IKZF5: variants seen among roughly 807,000 people sequenced by gnomAD.
IKZF5 encodes IKAROS family zinc finger 5.
In IKZF5, 4 loss-of-function variants were observed where a neutral mutation model predicts 30.7. That is an observed-to-expected ratio of 0.13 (90% CI 0.06 to 0.30). The LOEUF is 0.30. Among genes scored for constraint, IKZF5 ranks in the 10% least tolerant of loss-of-function variants. The probability of loss-of-function intolerance (pLI) is 1.00; values close to 1 mark genes in which losing one functional copy is unlikely to be tolerated. For missense variants in IKZF5, 348 were observed against 525.5 expected (o/e 0.66, Z 3.30); for synonymous variants, 148 against 179.6 (o/e 0.82, Z 1.41).
At chr10:123,001,308 C>T in intron 2 of IKZF5, among the ~76,000 whole-genome samples, 1 of 152,010 alleles carries the variant, frequency 6.6e-6, no homozygotes, top group East Asian at 1.9e-4. Context: ...GCCCGGCCTT[C>T]ACTTTCTTAA....
At chr10:123,002,946 T>C (rs1212177839) in intron 2 of IKZF5, among the ~76,000 whole-genome samples, 1 of 152,240 alleles carries the variant, frequency 6.6e-6, no homozygotes, top group African/African-American at 2.4e-5. Context: ...GGTTCTGTTA[T>C]CTGTTGATTC....
At chr10:122,997,330 C>A (rs2133389431) in intron 3 of IKZF5, 1 of 152,410 alleles carries the variant, frequency 6.6e-6, no homozygotes, top group Non-Finnish European at 1.5e-5. Context: ...GTTCCTCACT[C>A]CTCACTAGGA....
At chr10:123,001,874 A>G (rs972819362) in intron 2 of IKZF5, among the ~76,000 whole-genome samples, 3 of 152,250 alleles carry the variant, frequency 2.0e-5, no homozygotes, top group African/African-American at 7.2e-5. Context: ...CAGATTTTCC[A>G]ATTTACAAAA....
intron 2 of IKZF5, among the ~76,000 whole-genome samples, chr10:122,999,956 T>G (rs971760069): frequency 6.6e-6 from 1 of 152,244 alleles, no homozygotes; most frequent in Non-Finnish European, 1.5e-5. Flanking sequence ...TAAAATCTTC[T>G]TTTTCTAAAC....
At chr10:123,000,029 G>A (rs1298938322) in intron 2 of IKZF5, among the ~76,000 whole-genome samples, 1 of 152,174 alleles carries the variant, frequency 6.6e-6, no homozygotes, top group Non-Finnish European at 1.5e-5. Flanking sequence ...GCCAGTGGTA[G>A]ACAAAAAATT....
Position 122,993,634 on chromosome 10 carries a change from T to A in IKZF5, c.*146A>T. 1 of 521,126 alleles carries A rather than the reference T, an allele frequency of 1.9e-6. No homozygotes were observed. The highest frequency in any genetic ancestry group is 3.3e-6 in the Non-Finnish European group (1 of 305,846). 32.3% of individuals were successfully genotyped at this position (521,126 alleles called of 1,614,324 possible). A position where few individuals can be genotyped will look rare whatever the true frequency, so the allele number is the denominator to read the frequency against. Reference sequence around the variant, plus strand: ...GATTTTTATGAAAAAAAGGGGAAATTTTATTCCACTGACAAATTTATATTC... The same window carrying A: ...GATTTTTATGAAAAAAAGGGGAAATATTATTCCACTGACAAATTTATATTC... On this transcript the variant is annotated 3_prime_UTR_variant, in exon 5 of 5. Coordinates refer to ENST00000368886, the MANE Select transcript of IKZF5 (RefSeq NM_001372123.1).
At chr10:123,008,379 A>G (rs974684961) in intron 1 of IKZF5, among the ~76,000 whole-genome samples, 3 of 152,108 alleles carry the variant, frequency 2.0e-5, no homozygotes, top group Non-Finnish European at 4.4e-5. Context: ...CGCCTCCCGC[A>G]GAACCACCTG....
rs200896102 is a variant in IKZF5 at position 122,996,018 on chromosome 10, T to C, written c.292A>G (p.Ile98Val). ...CCTGTGTGGATTCTGATGTGTTCAA[T>C]AAGCCGGGCTGTTCCTTTGCTGGCA... Reference protein sequence around the residue: ...NYASKGTARLIEHIRIHTGEK... With the variant: ...NYASKGTARLVEHIRIHTGEK... Residue 98 changes from isoleucine to valine, a missense_variant, in exon 4 of 5, where the codon ATT (isoleucine) becomes GTT (valine). This residue lies in a region of IKZF5 where 36 missense variants were observed against 129.4 expected (regional missense o/e 0.28). Transcript: ENST00000368886. 4.1e-4 allele frequency: 669 copies of C among 1,614,026 alleles called. 3 individuals are homozygous for C. The African/African-American group carries it at 4.3e-3, about 10-fold the overall frequency.
Position 122,994,672 on chromosome 10 carries a change from C to T in IKZF5, c.368G>A (p.Arg123His), listed in dbSNP as rs1189647102. 1.9e-6 allele frequency: 3 copies of T among 1,612,812 alleles called. No individual in the cohort carries two copies. Among genetic ancestry groups the T allele is most frequent in the Admixed American group, 1.7e-5 (1 of 59,704 alleles). ...AGAACGCATATGGGCTTCCAGATGA[C>T]GCTCATAAGCAGATGCAAATGGACA... The part of the protein sequence containing the change: ...HLCPFASAYE[R>H]HLEAHMRSHT... Residue 123 changes from arginine (R) to histidine (H), a missense_variant, in exon 5 of 5, where the codon CGT (arginine) becomes CAT (histidine). Coordinates refer to ENST00000368886, the MANE Select transcript of IKZF5 (RefSeq NM_001372123.1). This position sits in a 1 kb window ranked among gnomAD's most constrained non-coding sequence, Gnocchi z 5.6.
chr10:122,994,987 G>A lies in IKZF5; in HGVS notation c.317-264C>T. The A allele has an allele frequency of 5.3e-6, 2 of 378,214 alleles. No homozygotes were observed. The highest frequency in any genetic ancestry group is 9.5e-6 in the Non-Finnish European group (2 of 211,360). 23.4% of individuals were successfully genotyped at this position (378,214 alleles called of 1,614,324 possible). A position where few individuals can be genotyped will look rare whatever the true frequency, so the allele number is the denominator to read the frequency against. On this transcript the variant is annotated intron_variant, in intron 4 of 4. Transcript: ENST00000368886. This position sits in a 1 kb window ranked among gnomAD's most constrained non-coding sequence, Gnocchi z 5.6. ...TATAAAAACTGTTATGGCTTCGAATGCATTTAGAGAGAAGAAACAGTACAA... is the reference window on the plus strand; with the variant it reads ...TATAAAAACTGTTATGGCTTCGAATACATTTAGAGAGAAGAAACAGTACAA...
At position 122,991,531 on chromosome 10, in the gene IKZF5, A is replaced by G. The variant is rs1849161518; in HGVS notation, c.*2249T>C. On this transcript the variant is annotated 3_prime_UTR_variant, in exon 5 of 5. Transcript: ENST00000368886. ...ATAAAATGAGTGAAACATTCAATAC[A>G]GAGGGGAAGACACGAACATCTTTTC... The G allele has an allele frequency of 6.6e-6, 1 of 152,224 alleles. No individual in the cohort carries two copies. The highest frequency in any genetic ancestry group is 6.5e-5 in the Admixed American group (1 of 15,284). The allele number at this position is 152,224 out of a possible 1,614,324, so 9.4% of individuals were successfully genotyped here.
At position 122,991,840 on chromosome 10, in the gene IKZF5, T is replaced by C. The variant is rs878903755; in HGVS notation, c.*1940A>G. ...GGTCAGTTGTTAGAAAAAAATGCAT[T>C]TGACAGAATACAGAGTTAATAAGCT... On this transcript the variant is annotated 3_prime_UTR_variant, in exon 5 of 5. Coordinates refer to ENST00000368886, the MANE Select transcript of IKZF5 (RefSeq NM_001372123.1). 3 of 152,208 alleles carry C rather than the reference T, an allele frequency of 2.0e-5. No individual in the cohort carries two copies. In the South Asian group the frequency reaches 6.2e-4, roughly 31 times the overall value. The allele number at this position is 152,208 out of a possible 1,614,324, so 9.4% of individuals were successfully genotyped here. A position where few individuals can be genotyped will look rare whatever the true frequency, so the allele number is the denominator to read the frequency against.
intron 3 of IKZF5, among the ~76,000 whole-genome samples, chr10:122,996,479 C>T (rs1372966461): frequency 6.6e-6 from 1 of 151,080 alleles, no homozygotes; most frequent in East Asian, 1.9e-4. Context: ...AGCTTGAGGC[C>T]AGGAGTTAGA....
At chr10:123,001,838 T>G (rs1448923007) in intron 2 of IKZF5, among the ~76,000 whole-genome samples, 3 of 152,238 alleles carry the variant, frequency 2.0e-5, no homozygotes, top group African/African-American at 7.2e-5. Context: ...ACTGTAGGGT[T>G]GAGGAATGAG....
At position 123,002,621 on chromosome 10, in the gene IKZF5, G is replaced by A. The variant is rs2133413231; in HGVS notation, c.-46-3950C>T. On this transcript the variant is annotated intron_variant, in intron 2 of 4. Transcript: ENST00000368886. ...AGGCAGGTCACGAGGTCAGGAGTTC[G>A]AGACCAGCCTGGCCAGCATGGTGAA... Among the ~76,000 whole-genome samples, 5 of 151,696 alleles carry A rather than the reference G, an allele frequency of 3.3e-5. 2 individuals carry two copies. The East Asian group carries it at 5.8e-4, about 18-fold the overall frequency.
At position 123,000,877 on chromosome 10, in the gene IKZF5, T is replaced by C. The variant is rs1201598469; in HGVS notation, c.-46-2206A>G. Among the ~76,000 whole-genome samples, 5 of 152,222 alleles carry C rather than the reference T, an allele frequency of 3.3e-5. No individual in the cohort carries two copies. In the East Asian group the frequency reaches 7.7e-4, roughly 23 times the overall value. On this transcript the variant is annotated intron_variant, in intron 2 of 4. Coordinates refer to ENST00000368886, the MANE Select transcript of IKZF5 (RefSeq NM_001372123.1). ...CCCTCTGTTGTATAATGTCTGCTCA[T>C]ACCTTTTGCTTATTTTTCTATTGTG...
At chr10:122,998,149 G>A (rs1013972971) in intron 3 of IKZF5, 11 of 169,504 alleles carry the variant, frequency 6.5e-5, no homozygotes, top group African/African-American at 9.5e-5. Context: ...ATCTCAGGTC[G>A]AATCCAGATT....
intron 2 of IKZF5, among the ~76,000 whole-genome samples, chr10:123,003,764 A>G (rs946765444): frequency 1.3e-5 from 2 of 152,220 alleles, no homozygotes; most frequent in Non-Finnish European, 2.9e-5. Flanking sequence ...TATACTGAGC[A>G]TCTGTTTCTT....
Position 122,998,617 on chromosome 10 carries a change from T to C in IKZF5, c.9A>G (p.Glu3=). 6.2e-7 allele frequency: 1 copy of C among 1,611,850 alleles called. No individual in the cohort carries two copies. The highest frequency in any genetic ancestry group is 8.5e-7 in the Non-Finnish European group (1 of 1,179,426). The change falls in exon 3 of 5, where the codon GAA becomes GAG. Residue 3 remains glutamate, a synonymous_variant. Coordinates refer to ENST00000368886, the MANE Select transcript of IKZF5 (RefSeq NM_001372123.1). Reference sequence around the variant, plus strand: ...CGAAGTCCAAAGGCTCTGGTTTTTTTTCACCCATCTTTGCTTTTTTAACAT... The same window carrying C: ...CGAAGTCCAAAGGCTCTGGTTTTTTCTCACCCATCTTTGCTTTTTTAACAT... MG[E]KKPEPLDFVK... is the part of the protein sequence containing the mutation.
Sources: gnomAD v4.1 joint callset for allele counts (sites outside exome capture counted in the v4.1 genomes callset) on GRCh38, gnomAD v4.1.1 for gene constraint, gnomAD v4.1.1 regional missense constraint, Gnocchi (gnomAD v3.1) non-coding constraint, MANE v1.5 for transcripts, NCBI Gene and HGNC (gene_info 2026-07-23, HGNC 2026-07-21) for gene names.